MSRA: variants seen among roughly 807,000 people sequenced by gnomAD.
MSRA encodes methionine sulfoxide reductase A.
In MSRA, 54 loss-of-function variants were observed where a neutral mutation model predicts 31.3. The observed-to-expected ratio is 1.73, with a 90% CI of 1.39 to 2.17. The LOEUF is 2.17. MSRA is among the 30% of genes most tolerant of loss of function. The pLI, the probability that MSRA is intolerant of heterozygous loss-of-function variation, is 0.00. For synonymous variants in MSRA, 169 were observed against 116.5 expected, an observed-to-expected ratio of 1.45 and a Z score of -2.90; for missense variants, 507 against 300.9, an observed-to-expected ratio of 1.69 and a Z score of -5.07.
At chr8:10,130,318 C>T (rs1801806430) in intron 1 of MSRA, among the ~76,000 whole-genome samples, 1 of 152,176 alleles carries the variant, frequency 6.6e-6, no homozygotes, top group African/African-American at 2.4e-5. Flanking sequence ...GGGAAGTTAT[C>T]TTTAACTTCC....
At chr8:10,243,035 A>T (rs1434909074) in intron 2 of MSRA, among the ~76,000 whole-genome samples, 4 of 152,102 alleles carry the variant, frequency 2.6e-5, no homozygotes, top group Non-Finnish European at 5.9e-5. Flanking sequence ...ACTTGCAGCT[A>T]ATGTTTTGCT....
intron 3 of MSRA, among the ~76,000 whole-genome samples, chr8:10,292,362 G>A (rs1258698013): frequency 6.6e-6 from 1 of 152,214 alleles, no homozygotes; most frequent in Non-Finnish European, 1.5e-5. Context: ...GCCTACAGAG[G>A]AGAGCCACTG....
intron 5 of MSRA, among the ~76,000 whole-genome samples, chr8:10,426,149 C>G (rs920535038): frequency 1.3e-5 from 2 of 152,182 alleles, no homozygotes; most frequent in Non-Finnish European, 2.9e-5. Context: ...GAGGTCATTG[C>G]TAACTCTAAA....
chr8:10,054,450 G>A lies in MSRA; in HGVS notation c.-67G>A, dbSNP rs558426151. 2.9e-4 allele frequency: 385 copies of A among 1,333,402 alleles called. No homozygotes were observed. The African/African-American group carries it at 5.4e-3, about 19-fold the overall frequency. 82.6% of individuals were successfully genotyped at this position (1,333,402 alleles called of 1,614,324 possible). ...CCGGCCGCGGACCCCACTCTCTGCCGTTCCGGCTGCGGCTCCGCTGCCGGT... is the reference window on the plus strand; with the variant it reads ...CCGGCCGCGGACCCCACTCTCTGCCATTCCGGCTGCGGCTCCGCTGCCGGT... On this transcript the variant is annotated 5_prime_UTR_variant, in exon 1 of 6. Coordinates refer to ENST00000317173, the MANE Select transcript of MSRA (RefSeq NM_012331.5).
chr8:10,056,611 G>T (rs976504849), intron 1 of MSRA, among the ~76,000 whole-genome samples: 1 of 151,144 alleles, frequency 6.6e-6, no homozygotes, highest in African/African-American at 2.4e-5. Context: ...CACAAAAAGT[G>T]TGTGAAATTT....
chr8:10,355,385 C>G (rs1804449018), intron 5 of MSRA, among the ~76,000 whole-genome samples: 1 of 152,226 alleles, frequency 6.6e-6, no homozygotes, highest in Non-Finnish European at 1.5e-5. Flanking sequence ...TAGGCCATCA[C>G]TTCTTTGATT....
At chr8:10,344,505 C>T (rs11785954) in intron 5 of MSRA, among the ~76,000 whole-genome samples, 27,993 of 130,512 alleles carry the variant, frequency 0.21, 3,497 homozygotes, top group Non-Finnish European at 0.29. Context: ...ACCTGGGAGG[C>T]GGAGATTGCA....
At chr8:10,376,641 T>A (rs563279493) in intron 5 of MSRA, among the ~76,000 whole-genome samples, 1 of 152,336 alleles carries the variant, frequency 6.6e-6, no homozygotes, top group East Asian at 1.9e-4. Context: ...CTATTAAGCA[T>A]GTTAAACCCC....
intron 1 of MSRA, among the ~76,000 whole-genome samples, chr8:10,090,829 T>C (rs1023029883): frequency 1.3e-5 from 2 of 152,232 alleles, no homozygotes; most frequent in East Asian, 1.9e-4. Context: ...GCATACTTTT[T>C]TCAAAGGCCC....
chr8:10,198,323 T>G (rs115707259), intron 1 of MSRA, among the ~76,000 whole-genome samples: 17,880 of 152,014 alleles, frequency 0.12, 1,688 homozygotes, highest in African/African-American at 0.27. Context: ...TATTTTTTTT[T>G]TTGTTGTTCT....
chr8:10,221,723 A>G (rs1464486026), intron 2 of MSRA, among the ~76,000 whole-genome samples: 2 of 152,248 alleles, frequency 1.3e-5, no homozygotes, highest in Non-Finnish European at 2.9e-5. Context: ...GTTGATTAAA[A>G]TAAAGCAGGG....
chr8:10,166,119 C>T (rs1185567504), intron 1 of MSRA, among the ~76,000 whole-genome samples: 2 of 152,140 alleles, frequency 1.3e-5, no homozygotes, highest in Non-Finnish European at 2.9e-5. Flanking sequence ...GCAGTGATCC[C>T]AGCTTCACTC....
At chr8:10,230,095 C>G (rs943629788) in intron 2 of MSRA, among the ~76,000 whole-genome samples, 1 of 152,206 alleles carries the variant, frequency 6.6e-6, no homozygotes, top group Non-Finnish European at 1.5e-5. Flanking sequence ...CTCATACGTG[C>G]AAGGTGCAAT....
chr8:10,204,618 G>A (rs957267499), intron 1 of MSRA, among the ~76,000 whole-genome samples: 7 of 152,292 alleles, frequency 4.6e-5, no homozygotes, highest in African/African-American at 1.7e-4. Flanking sequence ...TACCATCTAG[G>A]TTTGTGTAAG....
At chr8:10,309,859 T>A (rs1046189754) in intron 4 of MSRA, among the ~76,000 whole-genome samples, 1 of 152,106 alleles carries the variant, frequency 6.6e-6, no homozygotes, top group African/African-American at 2.4e-5. Context: ...TCCCAGGGAA[T>A]CGGGTGGGAT....
At chr8:10,217,866 A>G (rs1810133048) in intron 2 of MSRA, among the ~76,000 whole-genome samples, 1 of 152,218 alleles carries the variant, frequency 6.6e-6, no homozygotes, top group Admixed American at 6.5e-5. Context: ...CAGATCGCGT[A>G]TACATTGCAA....
chr8:10,259,500 T>A (rs1302987395), intron 3 of MSRA, among the ~76,000 whole-genome samples: 1 of 152,184 alleles, frequency 6.6e-6, no homozygotes, highest in African/African-American at 2.4e-5. Flanking sequence ...CATCTGGAGT[T>A]GTCTCCTCCT....
intron 5 of MSRA, among the ~76,000 whole-genome samples, chr8:10,427,821 G>C (rs1467041711): frequency 6.6e-6 from 1 of 152,278 alleles, no homozygotes; most frequent in East Asian, 1.9e-4. Context: ...GAGAGCTTTG[G>C]GGCCAGTTTC....
intron 4 of MSRA, among the ~76,000 whole-genome samples, chr8:10,308,318 T>C (rs930508392): frequency 2.6e-5 from 4 of 152,176 alleles, no homozygotes; most frequent in Admixed American, 2.0e-4. Flanking sequence ...AAAACGTCTT[T>C]AATCAAACCT....
Sources: allele counts gnomAD v4.1 joint callset (sites outside exome capture counted in the v4.1 genomes callset), GRCh38; gene constraint gnomAD v4.1.1; transcripts MANE v1.5; gene names NCBI Gene and HGNC (gene_info 2026-07-23, HGNC 2026-07-21).